The following CA10 variants were observed in gnomAD, a reference collection of about 807,000 sequenced individuals.
CA10 encodes the protein carbonic anhydrase-related protein 10.
CA10 carries 14 observed loss-of-function variants against 44.2 expected under a neutral mutation model. The observed-to-expected ratio is 0.32, with a 90% CI of 0.21 to 0.50. The LOEUF is 0.50. CA10 is among the 20% of genes least tolerant of loss of function. The pLI, the probability that CA10 is intolerant of heterozygous loss-of-function variation, is 0.99. For synonymous variants in CA10, 159 were observed against 141.6 expected, an observed-to-expected ratio of 1.12 and a Z score of -0.87; for missense variants, 350 against 409.7, an observed-to-expected ratio of 0.85 and a Z score of 1.26.
At chr17:51,736,349 A>AC (rs1234818210) in intron 4 of CA10, among the ~76,000 whole-genome samples, 3 of 151,948 alleles carry the variant, frequency 2.0e-5, no homozygotes, top group Non-Finnish European at 4.4e-5. Context: ...AAAATGCTTG[A>AC]CCCCCACAGA....
intron 4 of CA10, among the ~76,000 whole-genome samples, chr17:51,699,272 G>A (rs142212252): frequency 1.3e-5 from 2 of 150,840 alleles, no homozygotes; most frequent in East Asian, 3.9e-4. Flanking sequence ...GCAGTGAGCC[G>A]AGATCATGCC....
intron 3 of CA10, among the ~76,000 whole-genome samples, chr17:51,917,930 C>A (rs1484054660): frequency 1.3e-5 from 2 of 152,162 alleles, no homozygotes; most frequent in African/African-American, 2.4e-5. Context: ...TTCCCCCATT[C>A]CCTGGCAGCT....
At chr17:51,784,301 A>T (rs867120401) in intron 3 of CA10, among the ~76,000 whole-genome samples, 4 of 152,136 alleles carry the variant, frequency 2.6e-5, no homozygotes, top group African/African-American at 4.8e-5. Flanking sequence ...CCCAGAGCCC[A>T]GGAGAACCCT....
chr17:51,654,701 C>A (rs143787884), intron 4 of CA10, among the ~76,000 whole-genome samples: 3 of 151,964 alleles, frequency 2.0e-5, no homozygotes, highest in African/African-American at 7.3e-5. Flanking sequence ...GGACTACAGG[C>A]GCATGTCACC....
At chr17:51,976,403 T>A (rs984357014) in intron 2 of CA10, among the ~76,000 whole-genome samples, 1 of 152,188 alleles carries the variant, frequency 6.6e-6, no homozygotes. Flanking sequence ...TCACATAGAT[T>A]GCATTCTCTG....
intron 2 of CA10, among the ~76,000 whole-genome samples, chr17:52,048,262 G>A (rs1373133559): frequency 1.3e-5 from 2 of 152,010 alleles, no homozygotes; most frequent in African/African-American, 4.8e-5. Context: ...CATCTGGGAA[G>A]CAGAATCATT....
intron 3 of CA10, among the ~76,000 whole-genome samples, chr17:51,763,767 A>C (rs1905279294): frequency 6.6e-6 from 1 of 152,144 alleles, no homozygotes; most frequent in Non-Finnish European, 1.5e-5. Context: ...TTAGCAGAGT[A>C]ACCTTTCCTT....
At chr17:52,061,596 G>A (rs1361355247) in intron 2 of CA10, among the ~76,000 whole-genome samples, 1 of 152,156 alleles carries the variant, frequency 6.6e-6, no homozygotes, top group Admixed American at 6.5e-5. Context: ...CATGGGGGCA[G>A]TTTCCCCACA....
intron 3 of CA10, among the ~76,000 whole-genome samples, chr17:51,878,859 TATATATATATATATATATATATATA>T (rs1980215553): frequency 1.7e-4 from 4 of 23,168 alleles, no homozygotes; most frequent in African/African-American, 4.2e-4. Flanking sequence ...TATATATATA[TATATATATATATATATATATATATA>T]TATATATGGG....
intron 3 of CA10, chr17:51,762,640 C>A (rs1167597032): frequency 6.6e-6 from 1 of 152,056 alleles, no homozygotes; most frequent in Non-Finnish European, 1.5e-5. Context: ...TTTGCTAGGG[C>A]TTCACATAGT....
chr17:52,050,583 C>A (rs1008908668), intron 2 of CA10, among the ~76,000 whole-genome samples: 1 of 152,058 alleles, frequency 6.6e-6, no homozygotes, highest in Non-Finnish European at 1.5e-5. Context: ...CTCTTCTTCC[C>A]AGCTTCTCAT....
chr17:51,836,446 TC>T (rs945000742), intron 3 of CA10, among the ~76,000 whole-genome samples: 1 of 152,202 alleles, frequency 6.6e-6, no homozygotes, highest in Non-Finnish European at 1.5e-5. Context: ...GTCAGGTTTC[TC>T]CTTTGCAGTG....
At chr17:52,088,678 CA>C (rs1988182554) in intron 1 of CA10, among the ~76,000 whole-genome samples, 1 of 152,154 alleles carries the variant, frequency 6.6e-6, no homozygotes, top group African/African-American at 2.4e-5. Context: ...AAATGCACTT[CA>C]AAATAGGCAT....
chr17:52,014,854 A>T (rs75339564), intron 2 of CA10, among the ~76,000 whole-genome samples: 4,842 of 152,186 alleles, frequency 0.032, 262 homozygotes, highest in African/African-American at 0.11. Context: ...TTTGAAAAAC[A>T]AAGATATCTA....
intron 2 of CA10, among the ~76,000 whole-genome samples, chr17:52,052,275 C>G (rs907936422): frequency 7.1e-6 from 1 of 141,658 alleles, no homozygotes; most frequent in East Asian, 2.1e-4. Flanking sequence ...ACTTGTACCC[C>G]TGAACTTAAA....
chr17:51,886,448 T>G (rs958447199), intron 3 of CA10, among the ~76,000 whole-genome samples: 3 of 152,186 alleles, frequency 2.0e-5, no homozygotes, highest in African/African-American at 7.2e-5. Context: ...TGCCCTGGAA[T>G]CAGATCTTTG....
chr17:51,947,939 A>C (rs539753565), intron 2 of CA10, among the ~76,000 whole-genome samples: 5 of 152,252 alleles, frequency 3.3e-5, no homozygotes, highest in African/African-American at 9.6e-5. Flanking sequence ...AAATTCAAGG[A>C]AAAAGAAAAA....
intron 1 of CA10, among the ~76,000 whole-genome samples, chr17:52,141,899 C>T (rs919213251): frequency 6.6e-6 from 1 of 152,102 alleles, no homozygotes. Flanking sequence ...CTAGATGAAT[C>T]CTGGCCATGG....
intron 1 of CA10, among the ~76,000 whole-genome samples, chr17:52,120,192 T>G (rs1988983106): frequency 6.6e-6 from 1 of 152,200 alleles, no homozygotes; most frequent in African/African-American, 2.4e-5. Context: ...CATCCCTTTT[T>G]GTTTCATTTT....
Sources: allele counts gnomAD v4.1 joint callset (sites outside exome capture counted in the v4.1 genomes callset), GRCh38; gene constraint gnomAD v4.1.1; transcripts MANE v1.5; gene names NCBI Gene and HGNC (gene_info 2026-07-23, HGNC 2026-07-21).